Variants in UPF2 observed in about 807,000 individuals in gnomAD.
UPF2 encodes regulator of nonsense transcripts 2.
In UPF2, 17 loss-of-function variants were observed where a neutral mutation model predicts 141.4. The observed-to-expected ratio is 0.12, with a 90% CI of 0.08 to 0.18. The LOEUF is 0.18. Among genes scored for constraint, UPF2 ranks in the 10% least tolerant of loss-of-function variants. The probability of loss-of-function intolerance (pLI) is 1.00; values close to 1 mark genes in which losing one functional copy is unlikely to be tolerated. For missense variants in UPF2, 1,152 were observed against 1,515.9 expected, an observed-to-expected ratio of 0.76 and a Z score of 3.99; for synonymous variants, 540 against 498.0, an observed-to-expected ratio of 1.08 and a Z score of -1.12.
At chr10:12,008,682 T>A (rs1296904138) in intron 4 of UPF2, among the ~76,000 whole-genome samples, 2 of 149,242 alleles carry the variant, frequency 1.3e-5, no homozygotes, top group African/African-American at 4.9e-5. Flanking sequence ...CTTAGTGGCA[T>A]GTAAATTTTT....
intron 10 of UPF2, among the ~76,000 whole-genome samples, chr10:11,965,468 A>G (rs1833303608): frequency 6.6e-6 from 1 of 152,008 alleles, no homozygotes; most frequent in Non-Finnish European, 1.5e-5. Context: ...TATTTTATTT[A>G]TTTATTTTTG....
intron 1 of UPF2, among the ~76,000 whole-genome samples, chr10:12,038,678 G>A (rs758971879): frequency 1.4e-5 from 2 of 147,604 alleles, no homozygotes; most frequent in Non-Finnish European, 3.0e-5. Flanking sequence ...GCAGTAAGCC[G>A]AGATAGCGCC....
rs921324399 is a variant in UPF2 at position 11,956,011 on chromosome 10, G to C, written c.2574+309C>G. 6.6e-6 allele frequency among the ~76,000 whole-genome samples: 1 copy of C among 152,076 alleles called. No homozygotes were observed. The highest frequency in any genetic ancestry group is 6.5e-5 in the Admixed American group (1 of 15,268). ...ACAAAAAAATTAGCTAGGCGTGGTG[G>C]CATGCACCTGTAGTAGTCCCAGCTA... On this transcript the variant is annotated intron_variant, in intron 13 of 21. Coordinates refer to ENST00000357604, the MANE Select transcript of UPF2 (RefSeq NM_015542.4). This position sits in a 1 kb window ranked among gnomAD's most constrained non-coding sequence, Gnocchi z 4.2.
chr10:11,995,321 TAAGACTG>T (rs1295956332), intron 8 of UPF2, among the ~76,000 whole-genome samples: 1 of 152,160 alleles, frequency 6.6e-6, no homozygotes, highest in East Asian at 1.9e-4. Flanking sequence ...TGGTTAGAAT[TAAGACTG>T]AAGAAGTTGA....
chr10:11,987,116 T>C (rs1297128653), intron 8 of UPF2, among the ~76,000 whole-genome samples: 3 of 152,232 alleles, frequency 2.0e-5, no homozygotes, highest in African/African-American at 7.2e-5. Context: ...TGAGGGGCCT[T>C]CTGAGGTGCT....
intron 11 of UPF2, 132 bp downstream of exon 11, chr10:11,963,877 G>A (rs985388574): frequency 6.2e-6 from 4 of 640,216 alleles, no homozygotes; most frequent in Non-Finnish European, 1.1e-5. Flanking sequence ...TGTATGGGAT[G>A]TTCCACTTTA....
At position 11,936,643 on chromosome 10, in the gene UPF2, G is replaced by A; in HGVS notation, c.3448C>T (p.Leu1150=). ...CCTCCCAGTGGGGGCCCTTTCCTCA[G>A]CTGGCTTTTGAGATGCAAAGGAATG... The part of the protein sequence containing the change: ...VAIPLHLKSQ[L]RKGPPLGGGE... The change falls in exon 19 of 22, where the codon CTG becomes TTG. Residue 1150 remains leucine, a synonymous_variant. Transcript: ENST00000357604. This position sits in a 1 kb window ranked among gnomAD's most constrained non-coding sequence, Gnocchi z 6.6. The A allele has an allele frequency of 6.2e-7, 1 of 1,613,244 alleles. No homozygotes were observed. Among genetic ancestry groups the A allele is most frequent in the Non-Finnish European group, 8.5e-7 (1 of 1,179,634 alleles).
rs773736136 is a variant in UPF2 at position 11,936,983 on chromosome 10, G to T, written c.3379-271C>A. On this transcript the variant is annotated intron_variant, in intron 18 of 21. Transcript: ENST00000357604. This position sits in a 1 kb window ranked among gnomAD's most constrained non-coding sequence, Gnocchi z 6.6. ...GACTGCTCCAGCCTCTCCCAAGCACGCAGTGCTGCGGGTTCTACCAAATCC... is the reference window on the plus strand; with the variant it reads ...GACTGCTCCAGCCTCTCCCAAGCACTCAGTGCTGCGGGTTCTACCAAATCC... Among the ~76,000 whole-genome samples the T allele has an allele frequency of 6.6e-6, 1 of 152,194 alleles. No homozygotes were observed. The highest frequency in any genetic ancestry group is 1.5e-5 in the Non-Finnish European group (1 of 68,028).
In UPF2 at chr10:12,001,841, C is replaced by G; in HGVS notation, c.1505-16G>C. The G allele has an allele frequency of 1.9e-6, 3 of 1,571,466 alleles. No homozygotes were observed. The highest frequency in any genetic ancestry group is 2.6e-6 in the Non-Finnish European group (3 of 1,161,946). ...TCTTTTGCCTCTGTTGAAAAACAAA[C>G]AAGTATACCTAAATTCAAAGTCATA... On this transcript the variant is annotated splice_polypyrimidine_tract_variant and intron_variant, in intron 5 of 21. Transcript: ENST00000357604.
chr10:12,020,602 A>G (rs1834301161), intron 3 of UPF2, among the ~76,000 whole-genome samples: 2 of 152,250 alleles, frequency 1.3e-5, no homozygotes, highest in African/African-American at 4.8e-5. Flanking sequence ...CAGAAAGGTC[A>G]GGCAGGCAAT....
intron 3 of UPF2, among the ~76,000 whole-genome samples, chr10:12,025,377 C>A (rs1194462293): frequency 6.6e-6 from 1 of 152,038 alleles, no homozygotes; most frequent in Non-Finnish European, 1.5e-5. Context: ...ATGGTGAAAC[C>A]CCATCTCTAC....
chr10:11,955,423 C>T lies in UPF2; in HGVS notation c.2659G>A (p.Ala887Thr). 6.2e-7 allele frequency: 1 copy of T among 1,614,154 alleles called. No individual in the cohort carries two copies. The highest frequency in any genetic ancestry group is 8.5e-7 in the Non-Finnish European group (1 of 1,180,018). Reference sequence around the variant, plus strand: ...GAATACAGAGTTCTGAAAATAACAGCTGATTCCACCATTCGGTAATTGTAA... The same window carrying T: ...GAATACAGAGTTCTGAAAATAACAGTTGATTCCACCATTCGGTAATTGTAA... ...ELYNYRMVES[A>T]VIFRTLYSFT... Residue 887 changes from alanine to threonine, a missense_variant, in exon 14 of 22, where the codon GCT becomes ACT. Transcript: ENST00000357604.
Position 11,992,781 on chromosome 10 carries a change from C to G in UPF2, c.1844+4891G>C, listed in dbSNP as rs1158094742. On this transcript the variant is annotated intron_variant, in intron 8 of 21. Coordinates refer to ENST00000357604, the MANE Select transcript of UPF2 (RefSeq NM_015542.4). The surrounding 1 kb of genome is among the most constrained non-coding windows in gnomAD (Gnocchi z 4.1). ...GAGACTCAACTAAAATAAAATGATT[C>G]TGAAAGATGGAATATAAAATAAAGG... 1.3e-5 allele frequency among the ~76,000 whole-genome samples: 2 copies of G among 152,006 alleles called. No individual in the cohort carries two copies. The highest frequency in any genetic ancestry group is 1.5e-5 in the Non-Finnish European group (1 of 67,998).
intron 8 of UPF2, among the ~76,000 whole-genome samples, chr10:11,984,388 T>G (rs942085452): frequency 3.9e-5 from 6 of 152,216 alleles, no homozygotes; most frequent in African/African-American, 9.6e-5. Flanking sequence ...CTTAAACTTT[T>G]TAATGTTCTT....
At chr10:11,951,942 T>TA in intron 15 of UPF2, 124 bp downstream of exon 15, 1 of 1,011,440 alleles carries the variant, frequency 9.9e-7, no homozygotes, top group Non-Finnish European at 1.5e-6. Flanking sequence ...CACTACTACG[T>TA]AACACTCAAC....
intron 14 of UPF2, 45 bp from the exon 15 acceptor site, chr10:11,952,294 C>T (rs769657898): frequency 1.3e-6 from 2 of 1,481,690 alleles, no homozygotes; most frequent in African/African-American, 1.4e-5. Context: ...AAATTAGTAA[C>T]AAAATATTTT....
chr10:12,039,359 A>G (rs1834693295), intron 1 of UPF2, among the ~76,000 whole-genome samples: 1 of 152,140 alleles, frequency 6.6e-6, no homozygotes, highest in African/African-American at 2.4e-5. Context: ...TATGAATCTC[A>G]AGAGTAGAAA....
At position 11,977,632 on chromosome 10, in the gene UPF2, G is replaced by A. The variant is rs542311395; in HGVS notation, c.1953+1425C>T. On this transcript the variant is annotated intron_variant, in intron 9 of 21. Transcript: ENST00000357604. ...TATAACCGATATAATAACTCATACT[G>A]TCCACTAGTAAAACAGTTCCTTCTT... Among the ~76,000 whole-genome samples the A allele has an allele frequency of 9.5e-4, 145 of 152,262 alleles. 1 individual carries two copies. The highest frequency in any genetic ancestry group is 1.9e-3 in the Non-Finnish European group (128 of 68,026).
At chr10:12,042,905 G>A (rs962295502), upstream of UPF2, 2 of 151,908 alleles carry the variant, frequency 1.3e-5, no homozygotes, top group African/African-American at 2.4e-5. This position sits in a 1 kb window ranked among gnomAD's most constrained non-coding sequence, Gnocchi z 5.5. Flanking sequence ...CCTCCCGCCC[G>A]CCACTCACCA....
Sources: allele counts gnomAD v4.1 joint callset (sites outside exome capture counted in the v4.1 genomes callset), GRCh38; gene constraint gnomAD v4.1.1; non-coding constraint Gnocchi (gnomAD v3.1); transcripts MANE v1.5; gene names NCBI Gene and HGNC (gene_info 2026-07-23, HGNC 2026-07-21).